The following LRRTM4 variants were observed in gnomAD, a reference collection of about 807,000 sequenced individuals.
The protein encoded by LRRTM4 is leucine-rich repeat transmembrane neuronal protein 4.
LRRTM4 carries 25 observed loss-of-function variants against 47.6 expected under a neutral mutation model. The ratio of observed to expected loss-of-function variants is 0.53; its 90% CI spans 0.38 to 0.73. LRRTM4 has a LOEUF of 0.73. Ranked by LOEUF, LRRTM4 falls within the 30% of genes least tolerant of loss-of-function variation. The pLI, the probability that LRRTM4 is intolerant of heterozygous loss-of-function variation, is 0.00. For synonymous variants in LRRTM4, 311 were observed against 269.5 expected, an observed-to-expected ratio of 1.15 and a Z score of -1.51; for missense variants, 638 against 713.4, an observed-to-expected ratio of 0.89 and a Z score of 1.20.
chr2:76,916,340 G>A (rs75374795), intron 3 of LRRTM4, among the ~76,000 whole-genome samples: 3 of 135,972 alleles, frequency 2.2e-5, no homozygotes, highest in South Asian at 2.3e-4. Context: ...AGCAGCGATC[G>A]TGCCACCGCA....
At chr2:76,962,006 G>A (rs992214425) in intron 3 of LRRTM4, among the ~76,000 whole-genome samples, 1 of 151,058 alleles carries the variant, frequency 6.6e-6, no homozygotes, top group African/African-American at 2.4e-5. Flanking sequence ...CCTCAATATA[G>A]GTCATATACC....
At chr2:76,910,953 A>G (rs1277646192) in intron 3 of LRRTM4, among the ~76,000 whole-genome samples, 9 of 152,208 alleles carry the variant, frequency 5.9e-5, no homozygotes, top group Non-Finnish European at 1.0e-4. Context: ...TCATTTACAT[A>G]AAATGTCTTT....
At chr2:76,917,900 C>A (rs1388162973) in intron 3 of LRRTM4, among the ~76,000 whole-genome samples, 2 of 152,034 alleles carry the variant, frequency 1.3e-5, no homozygotes, top group Non-Finnish European at 2.9e-5. Flanking sequence ...TGTTTCCTAT[C>A]CCTCTCTTTT....
chr2:76,850,416 CT>C (rs979081895), intron 3 of LRRTM4, among the ~76,000 whole-genome samples: 1 of 152,150 alleles, frequency 6.6e-6, no homozygotes, highest in African/African-American at 2.4e-5. Context: ...GGATTCAAAT[CT>C]TGGTTCCATC....
intron 3 of LRRTM4, among the ~76,000 whole-genome samples, chr2:76,816,600 A>C (rs1239203382): frequency 6.6e-6 from 1 of 151,536 alleles, no homozygotes; most frequent in Non-Finnish European, 1.5e-5. Flanking sequence ...TTTAAAAAAG[A>C]CTCCAATGTA....
chr2:77,470,453 TA>T lies in LRRTM4; in HGVS notation c.1551+47864del, dbSNP rs569112997. On this transcript the variant is annotated intron_variant, in intron 3 of 3. Transcript: ENST00000409884. ...AAAGGAAGATATAAGAGTGTATTTT[TA>T]GAACAACTAAAATACTAAACTACGA... 1.3e-4 allele frequency among the ~76,000 whole-genome samples: 20 copies of T among 152,288 alleles called. No homozygotes were observed. The South Asian group carries it at 4.1e-3, about 32-fold the overall frequency.
intron 3 of LRRTM4, among the ~76,000 whole-genome samples, chr2:77,326,814 C>A (rs1389784177): frequency 6.6e-6 from 1 of 152,180 alleles, no homozygotes; most frequent in East Asian, 1.9e-4. Flanking sequence ...CGTGTTATAT[C>A]CTACCAGCCT....
intron 3 of LRRTM4, among the ~76,000 whole-genome samples, chr2:77,406,372 A>AATGCAGTG (rs1674182769): frequency 6.6e-6 from 1 of 152,040 alleles, no homozygotes; most frequent in African/African-American, 2.4e-5. Context: ...CCCAGGCTGG[A>AATGCAGTG]ATGCAGTGAT....
intron 3 of LRRTM4, among the ~76,000 whole-genome samples, chr2:76,996,882 C>T (rs1047172578): frequency 6.6e-6 from 1 of 152,096 alleles, no homozygotes; most frequent in Admixed American, 6.6e-5. Context: ...GAGGCTCACT[C>T]CTGCAGATGC....
In LRRTM4 at chr2:77,348,743, G is replaced by A. The variant is rs145944412; in HGVS notation, c.1551+169575C>T. On this transcript the variant is annotated intron_variant, in intron 3 of 3. Coordinates refer to ENST00000409884, the MANE Select transcript of LRRTM4 (RefSeq NM_001134745.3). ...TAAATTATAACCACCTCTTATGTAC[G>A]TTTATAAAAATTACAAAAATAATAA... 2.4e-3 allele frequency among the ~76,000 whole-genome samples: 356 copies of A among 149,168 alleles called. 2 individuals carry two copies. The highest frequency in any genetic ancestry group is 8.2e-3 in the African/African-American group (334 of 40,890).
chr2:77,031,610 C>T (rs988184706), intron 3 of LRRTM4, among the ~76,000 whole-genome samples: 1 of 152,018 alleles, frequency 6.6e-6, no homozygotes, highest in Non-Finnish European at 1.5e-5. Flanking sequence ...GATCGCTTTT[C>T]AGGGCTTCTC....
intron 3 of LRRTM4, among the ~76,000 whole-genome samples, chr2:76,992,022 C>T (rs1677026308): frequency 6.6e-6 from 1 of 151,694 alleles, no homozygotes; most frequent in African/African-American, 2.4e-5. Context: ...TAAAGAAAAT[C>T]AAATTTAAAA....
chr2:77,394,391 G>A (rs899690149), intron 3 of LRRTM4, among the ~76,000 whole-genome samples: 7 of 151,806 alleles, frequency 4.6e-5, no homozygotes, highest in Admixed American at 2.0e-4. Flanking sequence ...GATAGTTACC[G>A]AGAGTTAATT....
chr2:77,036,365 TC>T (rs1678838106), intron 3 of LRRTM4, among the ~76,000 whole-genome samples: 2 of 151,722 alleles, frequency 1.3e-5, no homozygotes, highest in South Asian at 4.1e-4. Flanking sequence ...GGGTATTTCT[TC>T]CCCCTCAGGC....
At position 76,807,739 on chromosome 2, in the gene LRRTM4, G is replaced by A. The variant is rs974509659; in HGVS notation, c.1552-58823C>T. 1.2e-3 allele frequency among the ~76,000 whole-genome samples: 173 copies of A among 149,116 alleles called. 1 individual carries two copies. Among genetic ancestry groups the A allele is most frequent in the African/African-American group, 4.0e-3 (163 of 41,180 alleles). Reference sequence around the variant, plus strand: ...CCCGAGTAGTTGGGATTACAGGCATGTGCCTCCACACCTGACTAACTTTTA... The same window carrying A: ...CCCGAGTAGTTGGGATTACAGGCATATGCCTCCACACCTGACTAACTTTTA... On this transcript the variant is annotated intron_variant, in intron 3 of 3. Transcript: ENST00000409884.
At chr2:76,783,007 C>CAT (rs139968451) in intron 3 of LRRTM4, among the ~76,000 whole-genome samples, 2,028 of 150,080 alleles carry the variant, frequency 0.014, 18 homozygotes, top group South Asian at 0.064. Context: ...CTTGTTCAGC[C>CAT]ATATATATAT....
chr2:77,403,393 G>A (rs1314951652), intron 3 of LRRTM4, among the ~76,000 whole-genome samples: 2 of 151,750 alleles, frequency 1.3e-5, no homozygotes, highest in Non-Finnish European at 2.9e-5. Flanking sequence ...TATTTTAGTT[G>A]TATTTCCAGG....
chr2:77,381,381 A>G (rs1673045512), intron 3 of LRRTM4, among the ~76,000 whole-genome samples: 1 of 152,126 alleles, frequency 6.6e-6, no homozygotes, highest in Non-Finnish European at 1.5e-5. Flanking sequence ...AGATGATATC[A>G]TTAACCAAGC....
intron 3 of LRRTM4, among the ~76,000 whole-genome samples, chr2:76,973,186 AG>A (rs1676281431): frequency 6.6e-6 from 1 of 152,050 alleles, no homozygotes. Context: ...TTGGAAGATC[AG>A]TGACACTGAA....
Sources: allele counts gnomAD v4.1 joint callset (sites outside exome capture counted in the v4.1 genomes callset), GRCh38; gene constraint gnomAD v4.1.1; transcripts MANE v1.5; gene names NCBI Gene and HGNC (gene_info 2026-07-23, HGNC 2026-07-21).